PSG5: variants seen among roughly 807,000 people sequenced by gnomAD.
The protein encoded by PSG5 is pregnancy-specific beta-1-glycoprotein 5.
Under a neutral mutation model 37.7 loss-of-function variants are expected in PSG5, and 53 were observed. That is an observed-to-expected ratio of 1.41 (90% CI 1.13 to 1.77). The LOEUF (loss-of-function observed/expected upper bound fraction) is 1.77, where lower values mean the gene tolerates loss of function less well. Ranked by LOEUF, PSG5 falls within the 40% of genes most tolerant of loss-of-function variation. The pLI is 0.00. For synonymous variants in PSG5, 221 were observed against 155.4 expected, an observed-to-expected ratio of 1.42 and a Z score of -3.14; for missense variants, 547 against 405.2, an observed-to-expected ratio of 1.35 and a Z score of -3.00.
At chr19:43,170,296 C>A in intron 4 of PSG5, 158 bp from the exon 5 acceptor site, 1 of 799,948 alleles carries the variant, frequency 1.3e-6, no homozygotes, top group Non-Finnish European at 1.8e-6. Context: ...TATATTCTTG[C>A]AGTTTTTTTT....
rs957949726 is a variant in PSG5, at chr19:43,172,082, C to G, written c.965-1944G>C. On this transcript the variant is annotated intron_variant, in intron 4 of 5. Transcript: ENST00000342951. ...TGAAAGTACTATAAATAATTTTATG[C>G]AAATAAATTGGATAACCTAGATGAA... is the stretch of plus-strand genomic sequence containing the variant. 1.2e-4 allele frequency among the ~76,000 whole-genome samples: 18 copies of G among 150,540 alleles called. 2 individuals are homozygous for G. The highest frequency in any genetic ancestry group is 2.5e-4 in the Non-Finnish European group (17 of 67,714).
chr19:43,182,190 A>T (rs1017055064), intron 2 of PSG5, among the ~76,000 whole-genome samples: 5 of 151,696 alleles, frequency 3.3e-5, no homozygotes, highest in African/African-American at 1.2e-4. Context: ...TACTTTGCCC[A>T]GGGATGGCCT....
Position 43,168,236 on chromosome 19 carries a change from T to A in PSG5, c.*41-33A>T, listed in dbSNP as rs558072469. On this transcript the variant is annotated intron_variant, in intron 5 of 5. Coordinates refer to ENST00000342951, the MANE Select transcript of PSG5 (RefSeq NM_002781.4). ...AGACAAAGATTTAAACTGACTATGG[T>A]TAAAAATCTAATGAGAATTTATTAT... The A allele has an allele frequency of 1.8e-4, 70 of 391,952 alleles. 3 individuals carry two copies. The highest frequency in any genetic ancestry group is 1.3e-3 in the African/African-American group (63 of 47,930). 24.3% of individuals were successfully genotyped at this position (391,952 alleles called of 1,614,324 possible). A position where few individuals can be genotyped will look rare whatever the true frequency, so the allele number is the denominator to read the frequency against.
At chr19:43,170,605 C>A in intron 4 of PSG5, 3 of 298,156 alleles carry the variant, frequency 1.0e-5, no homozygotes, top group Non-Finnish European at 7.0e-6. Context: ...CCCACAGGCT[C>A]CCAGGAAGGG....
rs933266926 is a variant in PSG5 at position 43,181,689 on chromosome 19, A to T, written c.430+3093T>A. ...TAGCCAGGATGGTCTCCATCTTCTGACCTTGTGCCCGCCTCGGCCTCCCAA... is the reference window on the plus strand; with the variant it reads ...TAGCCAGGATGGTCTCCATCTTCTGTCCTTGTGCCCGCCTCGGCCTCCCAA... On this transcript the variant is annotated intron_variant, in intron 2 of 5. Coordinates refer to ENST00000342951, the MANE Select transcript of PSG5 (RefSeq NM_002781.4). 8.6e-5 allele frequency among the ~76,000 whole-genome samples: 13 copies of T among 151,634 alleles called. 1 individual carries two copies. Among genetic ancestry groups the T allele is most frequent in the Admixed American group, 3.9e-4 (6 of 15,192 alleles).
At chr19:43,174,693 A>C (rs185219302) in intron 4 of PSG5, 3 of 985,342 alleles carry the variant, frequency 3.0e-6, no homozygotes, top group East Asian at 7.1e-5. Flanking sequence ...GTCCCACCCC[A>C]GGTTGAGTGA....
chr19:43,171,945 C>G (rs1968913962), intron 4 of PSG5, among the ~76,000 whole-genome samples: 1 of 143,954 alleles, frequency 6.9e-6, no homozygotes, highest in African/African-American at 2.6e-5. Context: ...GTATTCCATC[C>G]TGGACTGGTC....
At chr19:43,180,418 T>C (rs1042261435) in intron 2 of PSG5, 2 of 151,672 alleles carry the variant, frequency 1.3e-5, no homozygotes, top group Non-Finnish European at 2.9e-5. Context: ...ATCTGAAAAA[T>C]TTAAAATCCA....
intron 5 of PSG5, 58 bp from the exon 6 acceptor site, chr19:43,168,261 T>C (rs1968828987): frequency 2.6e-6 from 1 of 381,564 alleles, no homozygotes; most frequent in Non-Finnish European, 4.9e-6. Flanking sequence ...GAATTTATTA[T>C]GGTAAAGACA....
chr19:43,168,667 C>T (rs1968839892), intron 5 of PSG5, among the ~76,000 whole-genome samples: 1 of 151,726 alleles, frequency 6.6e-6, no homozygotes, highest in Non-Finnish European at 1.5e-5. Flanking sequence ...CCATCGCGCC[C>T]AGCGTAGAAT....
intron 2 of PSG5, among the ~76,000 whole-genome samples, chr19:43,180,985 G>T (rs1969115629): frequency 6.6e-6 from 1 of 151,670 alleles, no homozygotes; most frequent in African/African-American, 2.4e-5. Flanking sequence ...TATGTGAAAT[G>T]CTTTCTTCAT....
chr19:43,169,759 T>TA lies in PSG5; in HGVS notation c.*40+295dup, dbSNP rs538018079. On this transcript the variant is annotated intron_variant, in intron 5 of 5. Coordinates refer to ENST00000342951, the MANE Select transcript of PSG5 (RefSeq NM_002781.4). ...TTTATGGGAGTGTAGAGAATTACAC[T>TA]ATTGAGAGATGTTAAAAATAATGAA... Among the ~76,000 whole-genome samples the TA allele has an allele frequency of 2.2e-4, 34 of 151,780 alleles. 1 individual carries two copies. The highest frequency in any genetic ancestry group is 8.2e-4 in the African/African-American group (34 of 41,288).
In PSG5 at chr19:43,175,287, G is replaced by C. The variant is rs1438816657; in HGVS notation, c.892C>G (p.Leu298Val). Reference sequence around the variant, plus strand: ...GAGTTACGAACAGAGCAAGTATAGAGCCCTCTATGCTTTGTAGTAATTTGG... The same window carrying C: ...GAGTTACGAACAGAGCAAGTATAGACCCCTCTATGCTTTGTAGTAATTTGG... Reference protein sequence around the residue: ...IPQITTKHRGLYTCSVRNSAT... With the variant: ...IPQITTKHRGVYTCSVRNSAT... The change falls in exon 4 of 6, where the codon CTC becomes GTC. Residue 298 changes from leucine to valine, a missense_variant. Leu to Val is a conservative substitution (Grantham distance 32, BLOSUM62 1). Coordinates refer to ENST00000342951, the MANE Select transcript of PSG5 (RefSeq NM_002781.4). The C allele has an allele frequency of 6.2e-7, 1 of 1,612,670 alleles. No homozygotes were observed. The highest frequency in any genetic ancestry group is 2.2e-5 in the East Asian group (1 of 44,890).
chr19:43,181,934 G>C (rs1326508868), intron 2 of PSG5, among the ~76,000 whole-genome samples: 2 of 151,698 alleles, frequency 1.3e-5, no homozygotes, highest in Admixed American at 1.3e-4. Flanking sequence ...GAGTGAAACA[G>C]TTGAAATGAG....
At chr19:43,175,617 G>A (rs1968992135) in intron 3 of PSG5, 148 bp from the exon 4 acceptor site, 7 of 1,424,836 alleles carry the variant, frequency 4.9e-6, no homozygotes, top group Non-Finnish European at 6.6e-6. Context: ...GCCAAAGCCT[G>A]AGGTATTCAC....
intron 4 of PSG5, 169 bp downstream of exon 4, chr19:43,175,046 G>A: frequency 1.3e-6 from 2 of 1,530,838 alleles, no homozygotes; most frequent in South Asian, 1.3e-5. Context: ...GAAAAACAAG[G>A]AGAAGAGAGT....
intron 5 of PSG5, among the ~76,000 whole-genome samples, chr19:43,169,205 G>A (rs1968851104): frequency 6.6e-6 from 1 of 151,480 alleles, no homozygotes; most frequent in Non-Finnish European, 1.5e-5. Context: ...TCCTGTCTTA[G>A]GCTTTATGTC....
chr19:43,172,133 A>G (rs1968920352), intron 4 of PSG5, among the ~76,000 whole-genome samples: 1 of 151,668 alleles, frequency 6.6e-6, no homozygotes, highest in Non-Finnish European at 1.5e-5. Flanking sequence ...GAAACACACA[A>G]AAATATGAAT....
chr19:43,179,030 G>A (rs1969071230), intron 2 of PSG5: 2 of 1,612,712 alleles, frequency 1.2e-6, no homozygotes, highest in East Asian at 4.5e-5. Context: ...TCATAGGGAG[G>A]CTCTGACCAT....
Sources: allele counts gnomAD v4.1 joint callset (sites outside exome capture counted in the v4.1 genomes callset), GRCh38; gene constraint gnomAD v4.1.1; transcripts MANE v1.5; gene names NCBI Gene and HGNC (gene_info 2026-07-23, HGNC 2026-07-21).